The following ITIH2 variants were observed in gnomAD, a reference collection of about 807,000 sequenced individuals.
The protein encoded by ITIH2 is inter-alpha-trypsin inhibitor heavy chain H2.
ITIH2 carries 103 observed loss-of-function variants against 104.4 expected under a neutral mutation model. The observed-to-expected ratio is 0.99, with a 90% CI of 0.84 to 1.16. The LOEUF is 1.16. Among genes scored for constraint, ITIH2 ranks in the 50% most tolerant of loss-of-function variants. The probability of loss-of-function intolerance (pLI) is 0.00; values close to 1 mark genes in which losing one functional copy is unlikely to be tolerated. For synonymous variants in ITIH2, 436 were observed against 435.4 expected (o/e 1.00, Z -0.02); for missense variants, 1,108 against 1,162.4 (o/e 0.95, Z 0.68).
At chr10:7,713,048 A>G (rs557890208) in intron 4 of ITIH2, 133 bp from the exon 5 acceptor site, 66 of 623,398 alleles carry the variant, frequency 1.1e-4, no homozygotes, top group Admixed American at 6.0e-4. Context: ...TGAACCCAGG[A>G]GGTGGAGGTT....
intron 9 of ITIH2, among the ~76,000 whole-genome samples, chr10:7,725,059 T>C (rs1834939990): frequency 1.3e-5 from 2 of 152,112 alleles, no homozygotes; most frequent in South Asian, 4.2e-4. Context: ...AAAAAACGGA[T>C]GCCTACCCTC....
In ITIH2 at chr10:7,719,782, A is replaced by AAAC. The variant is rs754890159; in HGVS notation, c.631-1073_631-1072insACA. On this transcript the variant is annotated intron_variant, in intron 6 of 20. Coordinates refer to ENST00000358415, the MANE Select transcript of ITIH2 (RefSeq NM_002216.3). ...TCTCAAAAAAAAAAAAAAAAAAAAAAAGAAAGAAAGAAAAGAAAAAATAGC... is the reference window on the plus strand; with the variant it reads ...TCTCAAAAAAAAAAAAAAAAAAAAAAAACAGAAAGAAAGAAAAGAAAAAATAGC... Among the ~76,000 whole-genome samples the AAAC allele has an allele frequency of 1.6e-3, 213 of 137,136 alleles. 7 individuals carry two copies. Among genetic ancestry groups the AAAC allele is most frequent in the African/African-American group, 5.3e-3 (186 of 34,938 alleles). 90.0% of individuals were successfully genotyped at this position (137,136 alleles called of 152,430 possible). A position where few individuals can be genotyped will look rare whatever the true frequency, so the allele number is the denominator to read the frequency against.
At position 7,744,246 on chromosome 10, in the gene ITIH2, T is replaced by C. The variant is rs766312801; in HGVS notation, c.2374T>C (p.Ser792Pro). 1 of 1,614,162 alleles carries C rather than the reference T, an allele frequency of 6.2e-7. No individual in the cohort carries two copies. The highest frequency in any genetic ancestry group is 1.1e-5 in the South Asian group (1 of 91,082). Reference protein sequence around the residue: ...LSHGSSTFSLSWSDTAQVTNQ... With the variant: ...LSHGSSTFSLPWSDTAQVTNQ... ...CCATGGTTCTAGCACATTCTCCTTG[T>C]CCTGGTCCGACACGGCTCAAGTCAC... The change falls in exon 18 of 21, where the codon TCC becomes CCC. Residue 792 changes from serine to proline, a missense_variant. Physicochemically the swap from Ser to Pro is moderately conservative, Grantham distance 74. Coordinates refer to ENST00000358415, the MANE Select transcript of ITIH2 (RefSeq NM_002216.3).
chr10:7,731,894 A>C lies in ITIH2; in HGVS notation c.1545A>C (p.Gln515His), dbSNP rs1436362521. The C allele has an allele frequency of 6.2e-7, 1 of 1,613,976 alleles. No individual in the cohort carries two copies. The highest frequency in any genetic ancestry group is 1.3e-5 in the African/African-American group (1 of 74,914). ...YPHTSVTDVT[Q>H]NNFHNYFGGS... ...ATACATCAGTCACGGACGTCACTCA[A>C]AACAATTTCCATAACTACTTTGGAG... The change falls in exon 13 of 21, where the codon CAA (glutamine) becomes CAC (histidine). Residue 515 changes from glutamine (Q) to histidine (H), a missense_variant. Physicochemically the swap from Gln to His is conservative, Grantham distance 24 (BLOSUM62 0). Coordinates refer to ENST00000358415, the MANE Select transcript of ITIH2 (RefSeq NM_002216.3).
Position 7,744,117 on chromosome 10 carries a change from A to T in ITIH2, c.2245A>T (p.Lys749Ter). 1 of 1,614,128 alleles carries T rather than the reference A, an allele frequency of 6.2e-7. No homozygotes were observed. Among genetic ancestry groups the T allele is most frequent in the Non-Finnish European group, 8.5e-7 (1 of 1,180,002 alleles). ...CAACGGTCAGCTTGTTGGTGCCAAG[A>T]AGCCCAACAATGGAAAACTAAGCAC... ...VVNGQLVGAK[K>*]PNNGKLSTYF... Residue 749 changes from lysine to a stop codon, truncating the protein, a stop_gained, in exon 18 of 21, where the codon AAG (lysine) becomes TAG (stop). Transcript: ENST00000358415. LOFTEE classifies it high-confidence loss of function.
intron 5 of ITIH2, 116 bp from the exon 6 acceptor site, chr10:7,717,510 T>C: frequency 2.3e-6 from 2 of 870,916 alleles, no homozygotes; most frequent in East Asian, 2.4e-5. Context: ...TTCACTTTCA[T>C]GAACTACTGA....
At chr10:7,728,544 G>C (rs914890016) in intron 11 of ITIH2, among the ~76,000 whole-genome samples, 18 of 151,810 alleles carry the variant, frequency 1.2e-4, no homozygotes, top group African/African-American at 4.1e-4. Flanking sequence ...ACCACACTCA[G>C]CTAATTTCTT....
chr10:7,720,996 A>C lies in ITIH2; in HGVS notation c.738+33A>C, dbSNP rs200536632. 6.6e-5 allele frequency: 85 copies of C among 1,297,580 alleles called. 1 individual carries two copies. In the East Asian group the frequency reaches 1.8e-3, roughly 27 times the overall value. 80.4% of individuals were successfully genotyped at this position (1,297,580 alleles called of 1,614,324 possible). A position where few individuals can be genotyped will look rare whatever the true frequency, so the allele number is the denominator to read the frequency against. On this transcript the variant is annotated intron_variant, in intron 7 of 20. Coordinates refer to ENST00000358415, the MANE Select transcript of ITIH2 (RefSeq NM_002216.3). The stretch of plus-strand genomic sequence containing the variant: ...GAGCCCTGTGTGTTGCCAGGCATTC[A>C]CAGGGCCTCTGGATTGTGGGTTCTG...
rs76140242 is a variant in ITIH2 at position 7,723,566 on chromosome 10, A to G, written c.983A>G (p.Gln328Arg). ...SGSMWGVKMK[Q>R]TVEAMKTILD... Reference sequence around the variant, plus strand: ...TCCATGTGGGGAGTTAAAATGAAACAAGTAAGTACCCCCTTGTTTGCAGTG... The same window carrying G: ...TCCATGTGGGGAGTTAAAATGAAACGAGTAAGTACCCCCTTGTTTGCAGTG... Residue 328 changes from glutamine (Q) to arginine (R), a missense_variant and splice_region_variant, in exon 9 of 21, where the codon CAA (glutamine) becomes CGA (arginine). Coordinates refer to ENST00000358415, the MANE Select transcript of ITIH2 (RefSeq NM_002216.3). 6,044 of 1,573,090 alleles carry G rather than the reference A, an allele frequency of 3.8e-3. 17 individuals carry two copies. The highest frequency in any genetic ancestry group is 4.3e-3 in the South Asian group (392 of 90,266).
chr10:7,731,410 C>T (rs951553041), intron 12 of ITIH2, among the ~76,000 whole-genome samples: 19 of 152,158 alleles, frequency 1.2e-4, no homozygotes, highest in African/African-American at 4.3e-4. Context: ...TAAGAGGTAT[C>T]TGCTGATTCT....
intron 16 of ITIH2, among the ~76,000 whole-genome samples, chr10:7,739,156 C>G (rs1445406599): frequency 6.6e-6 from 1 of 152,144 alleles, no homozygotes; most frequent in Non-Finnish European, 1.5e-5. Flanking sequence ...GGCATCTTCT[C>G]CCACAGCATG....
chr10:7,708,962 T>C, intron 3 of ITIH2, 60 bp from the exon 4 acceptor site: 1 of 1,412,452 alleles, frequency 7.1e-7, no homozygotes, highest in Non-Finnish European at 1.0e-6. Flanking sequence ...ATGCACTACA[T>C]TTGATGAAGT....
At chr10:7,730,251 A>G (rs1410647275) in intron 12 of ITIH2, 118 bp downstream of exon 12, 11 of 760,058 alleles carry the variant, frequency 1.4e-5, no homozygotes, top group Non-Finnish European at 2.3e-5. Context: ...TCTCAGCCAT[A>G]TTTGGTTGCA....
chr10:7,723,104 G>C (rs1440732645), intron 8 of ITIH2, among the ~76,000 whole-genome samples: 2 of 150,112 alleles, frequency 1.3e-5, no homozygotes, highest in Non-Finnish European at 3.0e-5. Flanking sequence ...GTGGAGTGGC[G>C]TGGTGTGGTG....
intron 19 of ITIH2, among the ~76,000 whole-genome samples, chr10:7,746,216 C>G (rs955430052): frequency 2.6e-5 from 4 of 151,016 alleles, no homozygotes; most frequent in Non-Finnish European, 4.4e-5. Flanking sequence ...AACCCTGTCT[C>G]TACAAAAAAT....
At chr10:7,710,132 G>A (rs1275343256) in intron 4 of ITIH2, among the ~76,000 whole-genome samples, 5 of 152,212 alleles carry the variant, frequency 3.3e-5, no homozygotes, top group South Asian at 4.1e-4. Flanking sequence ...GATTACAGGC[G>A]TGAGCCACCG....
In ITIH2 at chr10:7,723,637, A is replaced by G. The variant is rs1164949010; in HGVS notation, c.984+70A>G. ...TCTTTGATCCCCTCCTAAAAATGCA[A>G]TCATTCTATCCCTCCTCCCTGCTTA... is the stretch of plus-strand genomic sequence containing the variant. On this transcript the variant is annotated intron_variant, in intron 9 of 20. Transcript: ENST00000358415. The G allele has an allele frequency of 1.6e-5, 15 of 962,052 alleles. No homozygotes were observed. The Admixed American group carries it at 2.0e-4, about 13-fold the overall frequency. 59.6% of individuals were successfully genotyped at this position (962,052 alleles called of 1,614,324 possible). A position where few individuals can be genotyped will look rare whatever the true frequency, so the allele number is the denominator to read the frequency against.
chr10:7,703,862 G>C (rs1000656354), intron 1 of ITIH2, among the ~76,000 whole-genome samples: 1 of 152,180 alleles, frequency 6.6e-6, no homozygotes, highest in African/African-American at 2.4e-5. Flanking sequence ...AACTCTTCTA[G>C]CAGAGCGCCT....
intron 6 of ITIH2, among the ~76,000 whole-genome samples, chr10:7,720,369 T>C (rs1350418300): frequency 6.6e-6 from 1 of 152,118 alleles, no homozygotes; most frequent in African/African-American, 2.4e-5. Flanking sequence ...ATGGCAGCTA[T>C]GACTGTGGTT....
Sources: gnomAD v4.1 joint callset for allele counts (sites outside exome capture counted in the v4.1 genomes callset) on GRCh38, gnomAD v4.1.1 for gene constraint, MANE v1.5 for transcripts, NCBI Gene and HGNC (gene_info 2026-07-23, HGNC 2026-07-21) for gene names.